The following KCTD19 variants were observed in gnomAD, a reference collection of about 807,000 sequenced individuals.
KCTD19 encodes BTB/POZ domain-containing protein KCTD19.
Under a neutral mutation model 103.5 loss-of-function variants are expected in KCTD19, and 67 were observed. That is an observed-to-expected ratio of 0.65 (90% CI 0.53 to 0.79). The LOEUF (loss-of-function observed/expected upper bound fraction) is 0.79. KCTD19 is among the 30% of genes least tolerant of loss of function. The pLI, the probability that KCTD19 is intolerant of heterozygous loss-of-function variation, is 0.00. For missense variants in KCTD19, 980 were observed against 1,136.1 expected, an observed-to-expected ratio of 0.86 and a Z score of 1.98; for synonymous variants, 439 against 452.2, an observed-to-expected ratio of 0.97 and a Z score of 0.37.
At chr16:67,292,959 C>T (rs1002261698) in intron 12 of KCTD19, among the ~76,000 whole-genome samples, 1 of 152,152 alleles carries the variant, frequency 6.6e-6, no homozygotes, top group African/African-American at 2.4e-5. Flanking sequence ...ACCTGCCTAG[C>T]CTGCTTCCCC....
Position 67,299,506 on chromosome 16 carries a change from C to T in KCTD19, c.843G>A (p.Glu281=). The change falls in exon 6 of 16, where the codon GAG becomes GAA. Residue 281 remains glutamate (E), a synonymous_variant. Transcript: ENST00000304372. ...CCATTGTGTAGAGCGGTTTCACGGA[C>T]TCCAGGCTGGCTGTGCGGGCCCCCT... is the stretch of plus-strand genomic sequence containing the variant. ...PGKGARTASL[E]SVKPLYTMAL... The T allele has an allele frequency of 6.2e-7, 1 of 1,614,134 alleles. No homozygotes were observed. The highest frequency in any genetic ancestry group is 8.5e-7 in the Non-Finnish European group (1 of 1,180,026).
intron 1 of KCTD19, among the ~76,000 whole-genome samples, chr16:67,324,525 T>C (rs2037109107): frequency 6.6e-6 from 1 of 152,224 alleles, no homozygotes; most frequent in African/African-American, 2.4e-5. Context: ...ATGTTGATTG[T>C]AGAATGCAGG....
Position 67,289,629 on chromosome 16 carries a change from C to G in KCTD19, c.2721G>C (p.Gln907His). 1 of 1,614,120 alleles carries G rather than the reference C, an allele frequency of 6.2e-7. No individual in the cohort carries two copies. The highest frequency in any genetic ancestry group is 8.5e-7 in the Non-Finnish European group (1 of 1,180,012). The change falls in exon 16 of 16, where the codon CAG (glutamine) becomes CAC (histidine). Residue 907 changes from glutamine to histidine, a missense_variant. By Grantham distance (24) the Gln-to-His change is conservative (BLOSUM62 0). Transcript: ENST00000304372. Reference sequence around the variant, plus strand: ...AAGAGACAGACCTAGACAGGCCCCTCTGGATGAGCAGGTCCATGCATCGGC... The same window carrying G: ...AAGAGACAGACCTAGACAGGCCCCTGTGGATGAGCAGGTCCATGCATCGGC... ...KYGRCMDLLI[Q>H]RGLSRSVSYS...
intron 2 of KCTD19, among the ~76,000 whole-genome samples, chr16:67,306,351 C>G (rs528095946): frequency 1.3e-5 from 2 of 152,088 alleles, no homozygotes; most frequent in African/African-American, 4.8e-5. Context: ...CTGCAACCTC[C>G]GCCTCCTGGG....
At chr16:67,318,520 A>C (rs1176244289) in intron 2 of KCTD19, among the ~76,000 whole-genome samples, 1 of 148,304 alleles carries the variant, frequency 6.7e-6, no homozygotes, top group Non-Finnish European at 1.5e-5. Flanking sequence ...AGATAGCGCC[A>C]CTGCACTCCA....
At chr16:67,326,346 GT>G (rs1176295306) in intron 1 of KCTD19, among the ~76,000 whole-genome samples, 1 of 151,476 alleles carries the variant, frequency 6.6e-6, no homozygotes, top group Admixed American at 6.6e-5. Context: ...TTAGAGTTCT[GT>G]CCCCACGCTC....
Position 67,326,701 on chromosome 16 carries a change from G to T in KCTD19, c.3+4C>A. ...TGGCGCCCCCGCCAGAGCGGGCTCC[G>T]TACCATGGTCGCGGCTCCAGCAGCG... is the stretch of plus-strand genomic sequence containing the variant. On this transcript the variant is annotated splice_donor_region_variant and intron_variant, in intron 1 of 15. Transcript: ENST00000304372. The T allele has an allele frequency of 6.3e-7, 1 of 1,579,474 alleles. No individual in the cohort carries two copies. The highest frequency in any genetic ancestry group is 8.6e-7 in the Non-Finnish European group (1 of 1,167,620).
intron 2 of KCTD19, among the ~76,000 whole-genome samples, chr16:67,306,556 G>A (rs534188407): frequency 2.6e-5 from 4 of 152,062 alleles, no homozygotes; most frequent in Admixed American, 6.6e-5. Context: ...CACCGTGCCC[G>A]TCCTGCCTCT....
chr16:67,319,652 C>T (rs2037050530), intron 2 of KCTD19, among the ~76,000 whole-genome samples: 1 of 151,318 alleles, frequency 6.6e-6, no homozygotes, highest in African/African-American at 2.4e-5. Flanking sequence ...TTTAGCAGTA[C>T]TTTAATGGTT....
At chr16:67,312,137 C>T (rs2036955945) in intron 2 of KCTD19, among the ~76,000 whole-genome samples, 1 of 152,128 alleles carries the variant, frequency 6.6e-6, no homozygotes. Context: ...CTGAGAAGTC[C>T]CCAGAAGGTG....
intron 15 of KCTD19, among the ~76,000 whole-genome samples, 185 bp downstream of exon 15, chr16:67,290,700 T>C (rs1176830044): frequency 6.6e-6 from 1 of 152,210 alleles, no homozygotes; most frequent in Non-Finnish European, 1.5e-5. Flanking sequence ...GTGGCCTGAA[T>C]ACTGCTTTTG....
chr16:67,307,010 A>T (rs1236353991), intron 2 of KCTD19, among the ~76,000 whole-genome samples: 1 of 151,986 alleles, frequency 6.6e-6, no homozygotes, highest in Admixed American at 6.6e-5. Context: ...GAAACCCAGG[A>T]CTCTGGAGCC....
At chr16:67,295,634 A>T in intron 8 of KCTD19, 2 of 438,286 alleles carry the variant, frequency 4.6e-6, no homozygotes, top group Non-Finnish European at 8.2e-6. Context: ...CTCTCAAGGC[A>T]TTTGGAAGCC....
At chr16:67,302,024 T>G in intron 4 of KCTD19, 102 bp from the exon 5 acceptor site, 1 of 1,031,112 alleles carries the variant, frequency 9.7e-7, no homozygotes, top group South Asian at 1.4e-5. Context: ...TTATCCTAGG[T>G]TCTCCTTGTT....
chr16:67,299,525 G>C lies in KCTD19; in HGVS notation c.824C>G (p.Ala275Gly). 6.2e-7 allele frequency: 1 copy of C among 1,614,026 alleles called. No homozygotes were observed. The change falls in exon 6 of 16, where the codon GCC becomes GGC. Residue 275 changes from alanine (A) to glycine (G), a missense_variant. Physicochemically the swap from Ala to Gly is moderately conservative, Grantham distance 60. Transcript: ENST00000304372. ...CACGGACTCCAGGCTGGCTGTGCGG[G>C]CCCCCTTCCCGGGGCTCAGGGGAGA... ...TCSPLSPGKGARTASLESVKP... is the reference protein window; with the variant it reads ...TCSPLSPGKGGRTASLESVKP...
chr16:67,289,720 C>T (rs1328447139), intron 15 of KCTD19, 38 bp from the exon 16 acceptor site: 1 of 1,482,542 alleles, frequency 6.7e-7, no homozygotes, highest in Non-Finnish European at 9.4e-7. Context: ...GATTTCCTGG[C>T]CAGTTGTCTA....
chr16:67,294,749 G>T, intron 10 of KCTD19, 55 bp from the exon 11 acceptor site: 1 of 1,294,956 alleles, frequency 7.7e-7, no homozygotes, highest in Non-Finnish European at 1.1e-6. Context: ...CAGGCCATTG[G>T]CCAGTTGGTC....
chr16:67,304,411 C>G lies in KCTD19; in HGVS notation c.451+10G>C. On this transcript the variant is annotated intron_variant, in intron 3 of 15. Transcript: ENST00000304372. ...TGGGCTTTAGGGAGGGACAGCCTATCCCAATTCACCTGTAAAGGCTGGGCT... is the reference window on the plus strand; with the variant it reads ...TGGGCTTTAGGGAGGGACAGCCTATGCCAATTCACCTGTAAAGGCTGGGCT... 1.2e-6 allele frequency: 2 copies of G among 1,613,694 alleles called. No individual in the cohort carries two copies. The highest frequency in any genetic ancestry group is 2.2e-5 in the South Asian group (2 of 91,066).
At chr16:67,308,545 C>T (rs2142513994) in intron 2 of KCTD19, among the ~76,000 whole-genome samples, 1 of 152,244 alleles carries the variant, frequency 6.6e-6, no homozygotes, top group South Asian at 2.1e-4. Flanking sequence ...CCACAAAACT[C>T]CAAAAACACA....
Sources: gnomAD v4.1 joint callset for allele counts (sites outside exome capture counted in the v4.1 genomes callset) on GRCh38, gnomAD v4.1.1 for gene constraint, MANE v1.5 for transcripts, NCBI Gene and HGNC (gene_info 2026-07-23, HGNC 2026-07-21) for gene names.